GOLGA3: variants seen among roughly 807,000 people sequenced by gnomAD.
The protein encoded by GOLGA3 is golgin subfamily A member 3.
In GOLGA3, 75 loss-of-function variants were observed where a neutral mutation model predicts 169.4. The ratio of observed to expected loss-of-function variants is 0.44; its 90% CI spans 0.37 to 0.54. The LOEUF is 0.54. GOLGA3 is among the 20% of genes least tolerant of loss of function. The pLI is 0.00. For synonymous variants in GOLGA3, 824 were observed against 822.4 expected (o/e 1.00, Z -0.03); for missense variants, 1,899 against 1,930.0 (o/e 0.98, Z 0.30).
chr12:132,780,184 GCA>G (rs148011147), intron 18 of GOLGA3, among the ~76,000 whole-genome samples: 1 of 138,954 alleles, frequency 7.2e-6, no homozygotes, highest in Non-Finnish European at 1.6e-5. Flanking sequence ...CCCCCCGCGT[GCA>G]CACACACCAC....
rs530763752 is a variant in GOLGA3, at chr12:132,796,097, C to G, written c.2224G>C (p.Ala742Pro). ...ALQSREQSLD[A>P]LQTHYDELQA... ...AGCTCATCGTAGTGTGTCTGCAGGG[C>G]ATCGAGGGACTGCTCCCTGCTCTGC... The change falls in exon 11 of 24, where the codon GCC becomes CCC. Residue 742 changes from alanine (A) to proline (P), a missense_variant. Transcript: ENST00000450791. 2 of 1,613,064 alleles carry G rather than the reference C, an allele frequency of 1.2e-6. No homozygotes were observed. Among genetic ancestry groups the G allele is most frequent in the East Asian group, 4.5e-5 (2 of 44,866 alleles).
chr12:132,809,757 T>C (rs2136634906), intron 4 of GOLGA3, among the ~76,000 whole-genome samples: 1 of 152,346 alleles, frequency 6.6e-6, no homozygotes, highest in East Asian at 1.9e-4. Flanking sequence ...TAATGATTAA[T>C]GATATTCATA....
At chr12:132,819,656 G>C (rs902255148) in intron 2 of GOLGA3, among the ~76,000 whole-genome samples, 1 of 152,234 alleles carries the variant, frequency 6.6e-6, no homozygotes. Context: ...CAGACCACGG[G>C]CACCCGACCA....
chr12:132,778,692 T>C (rs554433603), intron 18 of GOLGA3, among the ~76,000 whole-genome samples: 18 of 151,252 alleles, frequency 1.2e-4, no homozygotes, highest in Admixed American at 9.2e-4. Context: ...GTCAGGAGAT[T>C]GAGACCATCC....
At chr12:132,791,338 G>C (rs372674274) in intron 11 of GOLGA3, 45 bp from the exon 12 acceptor site, 5 of 1,103,388 alleles carry the variant, frequency 4.5e-6, no homozygotes, top group Non-Finnish European at 5.5e-6. Flanking sequence ...GGCTCCAGGA[G>C]GGGAATCTGT....
At chr12:132,786,615 C>T (rs930094729) in intron 14 of GOLGA3, 60 bp from the exon 15 acceptor site, 43 of 1,590,924 alleles carry the variant, frequency 2.7e-5, no homozygotes, top group Middle Eastern at 1.7e-4. Flanking sequence ...GACCGTCTGG[C>T]ATTCTGGTTC....
chr12:132,786,867 C>T, intron 13 of GOLGA3, 80 bp from the exon 14 acceptor site: 1 of 993,298 alleles, frequency 1.0e-6, no homozygotes, highest in South Asian at 1.3e-5. Flanking sequence ...GCCCATCACC[C>T]CCACCAAAGG....
intron 11 of GOLGA3, among the ~76,000 whole-genome samples, chr12:132,793,748 G>A (rs986641117): frequency 2.6e-5 from 4 of 152,122 alleles, no homozygotes; most frequent in Non-Finnish European, 4.4e-5. Context: ...GCACTCGGAG[G>A]GCTCCATACA....
intron 3 of GOLGA3, 120 bp downstream of exon 3, chr12:132,816,420 T>A: frequency 7.1e-6 from 7 of 992,594 alleles, no homozygotes; most frequent in Non-Finnish European, 1.1e-5. Flanking sequence ...GGGACTCAGA[T>A]GGCACACGGC....
At chr12:132,773,373 C>T (rs1394581165) in intron 23 of GOLGA3, 79 bp from the exon 24 acceptor site, 17 of 911,580 alleles carry the variant, frequency 1.9e-5, no homozygotes, top group Non-Finnish European at 2.5e-5. Context: ...CAGCGTCACT[C>T]GCTAGCACCT....
rs909859658 is a variant in GOLGA3, at chr12:132,770,718, T to G, written c.*2387A>C. 1.3e-5 allele frequency: 2 copies of G among 152,262 alleles called. No individual in the cohort carries two copies. Among genetic ancestry groups the G allele is most frequent in the African/African-American group, 2.4e-5 (1 of 41,458 alleles). 9.4% of individuals were successfully genotyped at this position (152,262 alleles called of 1,614,324 possible). On this transcript the variant is annotated 3_prime_UTR_variant, in exon 24 of 24. Coordinates refer to ENST00000450791, the MANE Select transcript of GOLGA3 (RefSeq NM_001389683.1). Reference sequence around the variant, plus strand: ...GGCGCGATCTCGGCTCACTGCAAGCTCCGCCTCCTGGGTTCAAGTGATTCT... The same window carrying G: ...GGCGCGATCTCGGCTCACTGCAAGCGCCGCCTCCTGGGTTCAAGTGATTCT...
Position 132,777,923 on chromosome 12 carries a change from T to C in GOLGA3, c.3583-118A>G. 3 of 1,142,710 alleles carry C rather than the reference T, an allele frequency of 2.6e-6. No homozygotes were observed. The South Asian group carries it at 4.7e-5, about 18-fold the overall frequency. The allele number at this position is 1,142,710 out of a possible 1,614,324, so 70.8% of individuals were successfully genotyped here. On this transcript the variant is annotated intron_variant, in intron 18 of 23. Transcript: ENST00000450791. The surrounding 1 kb of genome is among the most constrained non-coding windows in gnomAD (Gnocchi z 4.7). ...CGTGCATGTCCTGGCTGCCGGCGTG[T>C]GCTTCTCCACAGGCCTGTCAAGTTC...
At chr12:132,824,493 G>A (rs1409245384) in intron 1 of GOLGA3, among the ~76,000 whole-genome samples, 2 of 152,226 alleles carry the variant, frequency 1.3e-5, no homozygotes, top group African/African-American at 4.8e-5. Context: ...CCTAACATTA[G>A]TAACTATAAA....
At chr12:132,814,041 T>TG (rs1949844494) in intron 3 of GOLGA3, among the ~76,000 whole-genome samples, 2 of 101,546 alleles carry the variant, frequency 2.0e-5, no homozygotes, top group African/African-American at 4.0e-5. Context: ...TTTTTTTTTT[T>TG]GAGACGGAGT....
chr12:132,775,238 A>C lies in GOLGA3; in HGVS notation c.4046T>G (p.Leu1349Arg). The change falls in exon 22 of 24, where the codon CTC (leucine) becomes CGC (arginine). Residue 1349 changes from leucine to arginine, a missense_variant. Transcript: ENST00000450791. ...LSMTQKDKFM[L>R]QAKVSELKNN... ...CTTCAGCTCCGACACTTTTGCCTGG[A>C]GCATAAATTTATCCTTCTGGGTCAT... 6.2e-7 allele frequency: 1 copy of C among 1,614,058 alleles called. No homozygotes were observed. The highest frequency in any genetic ancestry group is 1.1e-5 in the South Asian group (1 of 91,082).
At chr12:132,784,085 G>A (rs541840804) in intron 16 of GOLGA3, 79 bp downstream of exon 16, 30 of 1,589,100 alleles carry the variant, frequency 1.9e-5, no homozygotes, top group South Asian at 1.0e-4. Context: ...TTTGTTCTTC[G>A]GGTCTCACGC....
Position 132,822,150 on chromosome 12 carries a change from G to C in GOLGA3, c.-22C>G. 1 of 1,589,982 alleles carries C rather than the reference G, an allele frequency of 6.3e-7. No individual in the cohort carries two copies. Among genetic ancestry groups the C allele is most frequent in the Non-Finnish European group, 8.5e-7 (1 of 1,171,316 alleles). On this transcript the variant is annotated 5_prime_UTR_variant, in exon 2 of 24. Transcript: ENST00000450791. ...CCATGGTCAGGACGACACCAGCTGA[G>C]CTGACGCTGAGGGGCTACAAGTGAA...
intron 4 of GOLGA3, among the ~76,000 whole-genome samples, chr12:132,812,421 G>A (rs1317064311): frequency 6.6e-6 from 1 of 152,108 alleles, no homozygotes; most frequent in African/African-American, 2.4e-5. Flanking sequence ...AACTGCCATA[G>A]TCATAGTGAT....
intron 8 of GOLGA3, among the ~76,000 whole-genome samples, chr12:132,799,349 A>C (rs1242571175): frequency 6.6e-6 from 1 of 152,218 alleles, no homozygotes; most frequent in East Asian, 1.9e-4. Context: ...TGGGTTCCAA[A>C]GGTATTTGGA....
Sources: allele counts gnomAD v4.1 joint callset (sites outside exome capture counted in the v4.1 genomes callset), GRCh38; gene constraint gnomAD v4.1.1; non-coding constraint Gnocchi (gnomAD v3.1); transcripts MANE v1.5; gene names NCBI Gene and HGNC (gene_info 2026-07-23, HGNC 2026-07-21).